The following FER variants were observed in gnomAD, a reference collection of about 807,000 sequenced individuals.
FER encodes FER tyrosine kinase.
A neutral mutation model predicts 111.0 loss-of-function variants in FER; 63 were observed. The observed-to-expected ratio is 0.57, with a 90% confidence interval of 0.46 to 0.70. The LOEUF (loss-of-function observed/expected upper bound fraction) is 0.70, where lower values mean the gene tolerates loss of function less well. Among genes scored for constraint, FER ranks in the 30% least tolerant of loss-of-function variants. The pLI, the probability that FER is intolerant of heterozygous loss-of-function variation, is 0.00. For synonymous variants in FER, 327 were observed against 313.9 expected (o/e 1.04, Z -0.44); for missense variants, 914 against 954.0 (o/e 0.96, Z 0.55).
chr5:108,924,472 G>A (rs1753472295), intron 10 of FER: 3 of 484,414 alleles, frequency 6.2e-6, no homozygotes, highest in African/African-American at 2.0e-5. Flanking sequence ...CGCAACATTT[G>A]TTGGCTGTAT....
At chr5:109,059,861 G>T (rs145721463) in intron 16 of FER, among the ~76,000 whole-genome samples, 2 of 152,178 alleles carry the variant, frequency 1.3e-5, no homozygotes, top group African/African-American at 2.4e-5. Context: ...ACCTCTGTCC[G>T]TGCAAATACT....
chr5:108,995,610 G>T (rs1763886040), intron 13 of FER, among the ~76,000 whole-genome samples: 1 of 151,984 alleles, frequency 6.6e-6, no homozygotes, highest in South Asian at 2.1e-4. Flanking sequence ...CTTTTTTATG[G>T]CTACTTAGTA....
chr5:109,075,361 A>G (rs1776201549), intron 16 of FER, among the ~76,000 whole-genome samples: 1 of 152,112 alleles, frequency 6.6e-6, no homozygotes. Flanking sequence ...GAAAGCATAT[A>G]ACTTTGAATA....
chr5:109,182,292 A>G (rs569976237), intron 18 of FER, among the ~76,000 whole-genome samples: 1 of 152,336 alleles, frequency 6.6e-6, no homozygotes, highest in Admixed American at 6.5e-5. Flanking sequence ...GGGCTGACCC[A>G]GCTACCACAG....
intron 16 of FER, among the ~76,000 whole-genome samples, chr5:109,079,594 G>T (rs1241948153): frequency 6.6e-6 from 1 of 151,992 alleles, no homozygotes; most frequent in Non-Finnish European, 1.5e-5. Flanking sequence ...ATGCACAGTT[G>T]GAAATCATAC....
At chr5:108,770,367 T>C (rs951778896) in intron 2 of FER, among the ~76,000 whole-genome samples, 3 of 152,234 alleles carry the variant, frequency 2.0e-5, no homozygotes, top group African/African-American at 4.8e-5. Flanking sequence ...CCTTGTGCTC[T>C]TTTAAAAGAG....
intron 17 of FER, among the ~76,000 whole-genome samples, chr5:109,141,085 A>G (rs771445352): frequency 7.9e-5 from 12 of 152,192 alleles, no homozygotes; most frequent in Admixed American, 3.9e-4. Context: ...AGGCCTAACC[A>G]GGTCAGCACC....
chr5:108,944,933 G>T (rs1756779456), intron 10 of FER, among the ~76,000 whole-genome samples: 1 of 151,744 alleles, frequency 6.6e-6, no homozygotes. Context: ...AATTTTTAAA[G>T]TTTTCTTTAT....
At chr5:109,034,921 C>G (rs925737584) in intron 13 of FER, among the ~76,000 whole-genome samples, 2 of 151,438 alleles carry the variant, frequency 1.3e-5, no homozygotes, top group Non-Finnish European at 2.9e-5. Flanking sequence ...ATGGAAAGTA[C>G]AGCTCTTTTA....
intron 19 of FER, 42 bp from the exon 20 acceptor site, chr5:109,187,391 A>G: frequency 1.3e-6 from 2 of 1,599,832 alleles, no homozygotes; most frequent in Non-Finnish European, 1.7e-6. Context: ...TTTGTGTCTT[A>G]CCTCCATTCT....
chr5:108,829,092 T>A (rs1759772535), intron 3 of FER, among the ~76,000 whole-genome samples: 1 of 152,248 alleles, frequency 6.6e-6, no homozygotes, highest in Admixed American at 6.5e-5. Context: ...TACTTTTGTT[T>A]GTTTCTTTGT....
intron 9 of FER, chr5:108,891,672 T>TA (rs1748084307): frequency 6.6e-6 from 1 of 151,820 alleles, no homozygotes; most frequent in Non-Finnish European, 1.5e-5. Context: ...TTTTTCTTTT[T>TA]TTTTTATTAT....
rs536990619 is a variant in FER, at chr5:108,936,308, A to G, written c.1237-9822A>G. 1.1e-3 allele frequency among the ~76,000 whole-genome samples: 170 copies of G among 152,148 alleles called. 2 individuals carry two copies. Among genetic ancestry groups the G allele is most frequent in the African/African-American group, 4.0e-3 (166 of 41,542 alleles). On this transcript the variant is annotated intron_variant, in intron 10 of 19. Coordinates refer to ENST00000281092, the MANE Select transcript of FER (RefSeq NM_005246.4). ...TTATTTTACCTTTAATAATTTTGCTAAACCTTTGATACAGTTATTTGGTGA... is the reference window on the plus strand; with the variant it reads ...TTATTTTACCTTTAATAATTTTGCTGAACCTTTGATACAGTTATTTGGTGA...
chr5:108,999,290 C>T (rs1305701601), intron 13 of FER, among the ~76,000 whole-genome samples: 1 of 152,094 alleles, frequency 6.6e-6, no homozygotes, highest in South Asian at 2.1e-4. Context: ...TACAATTTTA[C>T]TATTCTGTAA....
chr5:109,061,226 T>C (rs1581855474), intron 16 of FER, among the ~76,000 whole-genome samples: 1 of 152,168 alleles, frequency 6.6e-6, no homozygotes, highest in African/African-American at 2.4e-5. Flanking sequence ...TTTTTGAAAA[T>C]TTGAAACCTC....
intron 13 of FER, among the ~76,000 whole-genome samples, chr5:108,986,099 A>G (rs976291336): frequency 1.3e-5 from 2 of 151,882 alleles, no homozygotes; most frequent in Non-Finnish European, 2.9e-5. Flanking sequence ...GCCAACATGT[A>G]TTATTTTTTG....
chr5:109,030,455 TAC>T (rs1487475898), intron 13 of FER, among the ~76,000 whole-genome samples: 3 of 152,188 alleles, frequency 2.0e-5, no homozygotes, highest in Non-Finnish European at 4.4e-5. Flanking sequence ...TGCAGGTAGT[TAC>T]CTTGTTTAGG....
At chr5:108,847,483 ATTG>A (rs2150177084) in intron 5 of FER, among the ~76,000 whole-genome samples, 1 of 152,096 alleles carries the variant, frequency 6.6e-6, no homozygotes, top group South Asian at 2.1e-4. Flanking sequence ...GTATTATGCT[ATTG>A]TTCTTTGGAG....
chr5:108,748,896 G>C (rs1372802903), intron 1 of FER: 1 of 153,416 alleles, frequency 6.5e-6, no homozygotes, highest in Non-Finnish European at 1.5e-5. Flanking sequence ...TGGTTGCAGA[G>C]GTTCGTGACA....
Sources: allele counts gnomAD v4.1 joint callset (sites outside exome capture counted in the v4.1 genomes callset), GRCh38; gene constraint gnomAD v4.1.1; transcripts MANE v1.5; gene names NCBI Gene and HGNC (gene_info 2026-07-23, HGNC 2026-07-21).